Variants in ANKRD62 observed in about 807,000 individuals in gnomAD.
ANKRD62 encodes the protein ankyrin repeat domain 62, also known as ankyrin repeat domain-containing protein 62.
Under a neutral mutation model 98.8 loss-of-function variants are expected in ANKRD62, and 61 were observed. The ratio of observed to expected loss-of-function variants is 0.62; its 90% CI spans 0.50 to 0.76. The LOEUF is 0.76. Among genes scored for constraint, ANKRD62 ranks in the 30% least tolerant of loss-of-function variants. The pLI, the probability that ANKRD62 is intolerant of heterozygous loss-of-function variation, is 0.00. For synonymous variants in ANKRD62, 341 were observed against 367.9 expected (o/e 0.93, Z 0.84); for missense variants, 933 against 1,082.9 (o/e 0.86, Z 1.94).
the ANKRD62 span, among the ~76,000 whole-genome samples, chr18:12,146,069 C>T: frequency 9.9e-5 from 15 of 151,758 alleles, no homozygotes; most frequent in Middle Eastern, 3.4e-3. Flanking sequence ...TTCCAGCCTT[C>T]GGCCTTCAGA....
At chr18:12,109,431 G>A (rs915717957) in intron 8 of ANKRD62, among the ~76,000 whole-genome samples, 4 of 152,164 alleles carry the variant, frequency 2.6e-5, no homozygotes, top group South Asian at 2.1e-4. Context: ...GCCATGTCCC[G>A]GGTCTGCACA....
the ANKRD62 span, among the ~76,000 whole-genome samples, chr18:12,180,867 A>G: frequency 1.3e-5 from 2 of 148,178 alleles, no homozygotes; most frequent in African/African-American, 4.9e-5. Flanking sequence ...ATATATATAC[A>G]TGTGCCATGT....
the ANKRD62 span, among the ~76,000 whole-genome samples, chr18:12,180,707 G>A: frequency 5.3e-5 from 8 of 151,758 alleles, no homozygotes; most frequent in Admixed American, 2.0e-4. Flanking sequence ...CCTGCCAATG[G>A]GGTAAGAGGT....
chr18:12,102,191 G>A, intron 6 of ANKRD62: 1 of 844,716 alleles, frequency 1.2e-6, no homozygotes, highest in Non-Finnish European at 2.1e-6. Flanking sequence ...GCAGCAAGGA[G>A]TAGAGTCCGT....
chr18:12,165,264 A>G, the ANKRD62 span, among the ~76,000 whole-genome samples: 1 of 151,982 alleles, frequency 6.6e-6, no homozygotes, highest in African/African-American at 2.4e-5. Flanking sequence ...AATTTAGTCC[A>G]TTTCCATTCA....
chr18:12,172,429 G>A, the ANKRD62 span, among the ~76,000 whole-genome samples: 1 of 152,264 alleles, frequency 6.6e-6, no homozygotes, highest in South Asian at 2.1e-4. Flanking sequence ...GTTTGCCTGG[G>A]TATCACTAGT....
At chr18:12,159,131 G>A in the ANKRD62 span, among the ~76,000 whole-genome samples, 88 of 152,220 alleles carry the variant, frequency 5.8e-4, 2 homozygotes, top group Admixed American at 4.6e-4. Context: ...CCAGGAAAAC[G>A]TGTATTTAAA....
the ANKRD62 span, among the ~76,000 whole-genome samples, chr18:12,151,051 C>T: frequency 4.6e-5 from 7 of 152,132 alleles, no homozygotes; most frequent in African/African-American, 1.7e-4. Context: ...GTGTCTAACA[C>T]ATAATGACAC....
At chr18:12,118,336 G>A (rs1191312971) in intron 10 of ANKRD62, among the ~76,000 whole-genome samples, 1 of 152,168 alleles carries the variant, frequency 6.6e-6, no homozygotes, top group African/African-American at 2.4e-5. Flanking sequence ...GGCCGGGCAC[G>A]GTGGCTCACG....
intron 1 of ANKRD62, 50 bp downstream of exon 1, chr18:12,094,285 C>T: frequency 7.3e-7 from 1 of 1,369,410 alleles, no homozygotes; most frequent in Non-Finnish European, 9.5e-7. Context: ...GGGAGAAGCC[C>T]CTGTTCCTGG....
chr18:12,111,308 T>C (rs115304960), intron 8 of ANKRD62, among the ~76,000 whole-genome samples: 1,664 of 152,248 alleles, frequency 0.011, 22 homozygotes, highest in Middle Eastern at 0.054. Flanking sequence ...ATTCTGTTTA[T>C]TATTGAGATA....
chr18:12,131,736 AGTGTGT>A (rs59080091), downstream of ANKRD62, among the ~76,000 whole-genome samples: 24 of 148,774 alleles, frequency 1.6e-4, no homozygotes, highest in South Asian at 2.6e-3. Flanking sequence ...TGTATGTGTG[AGTGTGT>A]GTGTGTGTGT....
rs1380970228 is a variant in ANKRD62, at chr18:12,129,176, AATGCTTACTATAATTTCCT to A, written c.*1241_*1259del. On this transcript the variant is annotated 3_prime_UTR_variant, in exon 14 of 14. Coordinates refer to ENST00000587848, the MANE Select transcript of ANKRD62 (RefSeq NM_001277333.2). ...GTGGTGTTTGGAATTGAAAAATATA[AATGCTTACTATAATTTCCT>A]ATGTTTCCCCATTTTACCAATTTTG... 1.3e-5 allele frequency: 2 copies of A among 152,224 alleles called. No homozygotes were observed. The highest frequency in any genetic ancestry group is 4.8e-5 in the African/African-American group (2 of 41,456). 9.4% of individuals were successfully genotyped at this position (152,224 alleles called of 1,614,324 possible).
At chr18:12,101,951 G>A in intron 6 of ANKRD62, 1 of 869,908 alleles carries the variant, frequency 1.1e-6, no homozygotes, top group Non-Finnish European at 2.0e-6. Context: ...CAGAGGCAAA[G>A]AGGCATACAT....
chr18:12,100,765 A>T (rs1909283577), intron 6 of ANKRD62, among the ~76,000 whole-genome samples: 2 of 152,186 alleles, frequency 1.3e-5, no homozygotes, highest in Non-Finnish European at 2.9e-5. Flanking sequence ...ATAAAATGAG[A>T]TATATTTACT....
the ANKRD62 span, among the ~76,000 whole-genome samples, chr18:12,151,157 A>G: frequency 6.6e-6 from 1 of 152,230 alleles, no homozygotes; most frequent in African/African-American, 2.4e-5. Flanking sequence ...GACAAAACAG[A>G]TTTCAAACCA....
Position 12,093,994 on chromosome 18 carries a change from T to C in ANKRD62, c.-24T>C. ...GGTGTCTTAAAGCCGTTCCTCAGCC[T>C]GGGAGAAGATCTCTGGCTTCAGGAT... On this transcript the variant is annotated 5_prime_UTR_variant, in exon 1 of 14. Coordinates refer to ENST00000587848, the MANE Select transcript of ANKRD62 (RefSeq NM_001277333.2). 1.3e-6 allele frequency: 2 copies of C among 1,533,912 alleles called. No individual in the cohort carries two copies. Among genetic ancestry groups the C allele is most frequent in the Non-Finnish European group, 1.7e-6 (2 of 1,146,246 alleles).
Position 12,096,282 on chromosome 18 carries a change from T to G in ANKRD62, c.594T>G (p.Thr198=), listed in dbSNP as rs1386933087. 6.5e-7 allele frequency: 1 copy of G among 1,530,458 alleles called. No individual in the cohort carries two copies. Among genetic ancestry groups the G allele is most frequent in the Non-Finnish European group, 8.8e-7 (1 of 1,141,922 alleles). The allele number at this position is 1,530,458 out of a possible 1,614,324, so 94.8% of individuals were successfully genotyped here. The change falls in exon 4 of 14, where the codon ACT becomes ACG. Residue 198 remains threonine (T), a synonymous_variant. Transcript: ENST00000587848. ...TGTTGAAGAAAAAACCAGATTTAAC[T>G]GCAATAGATAATTTTGGAAGGTACA... ...AFLLKKKPDL[T]AIDNFGRTAL... is the part of the protein sequence containing the mutation.
chr18:12,104,844 A>G (rs1461773373), intron 7 of ANKRD62, among the ~76,000 whole-genome samples: 1 of 152,232 alleles, frequency 6.6e-6, no homozygotes, highest in African/African-American at 2.4e-5. Context: ...CTTGGCCTCC[A>G]GAATTTGCTT....
Sources: gnomAD v4.1 joint callset for allele counts (sites outside exome capture counted in the v4.1 genomes callset) on GRCh38, gnomAD v4.1.1 for gene constraint, MANE v1.5 for transcripts, NCBI Gene and HGNC (gene_info 2026-07-23, HGNC 2026-07-21) for gene names.